MICALL2: variants seen among roughly 807,000 people sequenced by gnomAD.
MICALL2 encodes the protein MICAL like 2, also known as MICAL-like protein 2.
In MICALL2, 111 loss-of-function variants were observed where a neutral mutation model predicts 91.1. That is an observed-to-expected ratio of 1.22 (90% CI 1.04 to 1.43). MICALL2 has a LOEUF of 1.43. MICALL2 is among the 40% of genes most tolerant of loss of function. MICALL2 has a pLI of 0.00. For missense variants in MICALL2, 1,556 were observed against 1,236.0 expected (o/e 1.26, Z -3.88); for synonymous variants, 694 against 525.3 (o/e 1.32, Z -4.39).
At position 1,445,054 on chromosome 7, in the gene MICALL2, C is replaced by T. The variant is rs200412394; in HGVS notation, c.1016G>A (p.Arg339His). 1,185 of 1,545,606 alleles carry T rather than the reference C, an allele frequency of 7.7e-4. No homozygotes were observed. Among genetic ancestry groups the T allele is most frequent in the Middle Eastern group, 3.4e-3 (20 of 5,948 alleles). Reference protein sequence around the residue: ...PTPTEGKVRPRVTNSSPMGWS... With the variant: ...PTPTEGKVRPHVTNSSPMGWS... ...GCCCATCGGGGAGCTATTGGTCACA[C>T]GAGGGCGGACTTTCCCCTCCGTGGG... is the stretch of plus-strand genomic sequence containing the variant. Residue 339 changes from arginine to histidine, a missense_variant, in exon 6 of 17, where the codon CGT becomes CAT. By Grantham distance (29) the Arg-to-His change is conservative. Transcript: ENST00000297508.
At chr7:1,443,857 G>A (rs553458247) in intron 6 of MICALL2, among the ~76,000 whole-genome samples, 16 of 152,322 alleles carry the variant, frequency 1.1e-4, no homozygotes, top group Admixed American at 7.8e-4. Flanking sequence ...CGCCCAGTGA[G>A]GGGGTCTTTG....
chr7:1,450,048 G>C (rs186620500), intron 2 of MICALL2, among the ~76,000 whole-genome samples, 192 bp downstream of exon 2: 1 of 152,216 alleles, frequency 6.6e-6, no homozygotes, highest in Non-Finnish European at 1.5e-5. Context: ...GCCAAGATAA[G>C]AGGCTATTTC....
At chr7:1,448,534 A>C in intron 3 of MICALL2, 86 bp downstream of exon 3, 1 of 1,377,074 alleles carries the variant, frequency 7.3e-7, no homozygotes. Flanking sequence ...CTGGGCATGG[A>C]CCCCAAAAAG....
At chr7:1,457,163 G>A (rs1386810272) in intron 1 of MICALL2, among the ~76,000 whole-genome samples, 2 of 152,126 alleles carry the variant, frequency 1.3e-5, no homozygotes, top group Admixed American at 6.5e-5. Context: ...CCTTCTGCAC[G>A]TGGGCACCTA....
rs10266642 is a variant in MICALL2 at position 1,437,477 on chromosome 7, T to C, written c.2476+58A>G. 0.19 allele frequency: 270,540 copies of C among 1,446,268 alleles called. 30,050 individuals carry two copies. Among genetic ancestry groups the C allele is most frequent in the African/African-American group, 0.51 (35,068 of 68,172 alleles). The allele number at this position is 1,446,268 out of a possible 1,614,324, so 89.6% of individuals were successfully genotyped here. A position where few individuals can be genotyped will look rare whatever the true frequency, so the allele number is the denominator to read the frequency against. ...GCCTCACAGAGCCGGCCCCCAGACA[T>C]CCTGGGCTCCGCGGCATCCCTGGCT... On this transcript the variant is annotated intron_variant, in intron 14 of 16. Transcript: ENST00000297508.
intron 14 of MICALL2, 156 bp downstream of exon 14, chr7:1,437,379 G>GTACCTT: frequency 1.9e-5 from 11 of 573,892 alleles, no homozygotes; most frequent in Non-Finnish European, 2.4e-5. Flanking sequence ...ACAGCCAGGA[G>GTACCTT]GTGGGAGATT....
Position 1,459,429 on chromosome 7 carries a change from A to G in MICALL2, c.-103T>C, listed in dbSNP as rs913658092. ...GGGACAGACGCTGGGACCGCTACGG[A>G]ACCGCCAGACCCACGGCGCCCAGCC... is the stretch of plus-strand genomic sequence containing the variant. On this transcript the variant is annotated 5_prime_UTR_variant, in exon 1 of 17. Coordinates refer to ENST00000297508, the MANE Select transcript of MICALL2 (RefSeq NM_182924.4). 73 of 1,154,204 alleles carry G rather than the reference A, an allele frequency of 6.3e-5. No individual in the cohort carries two copies. In the African/African-American group the frequency reaches 1.1e-3, roughly 17 times the overall value. The allele number at this position is 1,154,204 out of a possible 1,614,324, so 71.5% of individuals were successfully genotyped here.
chr7:1,438,409 C>T (rs980230874), intron 10 of MICALL2, 56 bp from the exon 11 acceptor site: 10 of 1,557,136 alleles, frequency 6.4e-6, no homozygotes, highest in Non-Finnish European at 8.7e-6. Context: ...CCAACGTGAC[C>T]AGGACACAGC....
chr7:1,437,355 T>C, intron 14 of MICALL2, 180 bp downstream of exon 14: 1 of 604,626 alleles, frequency 1.7e-6, no homozygotes. Context: ...GTTAAGTACC[T>C]TGGCTGAGGA....
At position 1,442,283 on chromosome 7, in the gene MICALL2, C is replaced by A. The variant is rs4236408; in HGVS notation, c.1620G>T (p.Ala540=). Residue 540 remains alanine (A), a synonymous_variant, in exon 7 of 17, where the codon GCG becomes GCT. Transcript: ENST00000297508. ...ALPPAGRRNL[A]ESSGVGRVGA... is the part of the protein sequence containing the mutation. ...CCACCCTGCCGACCCCTGAGGATTC[C>A]GCCAAGTTCCTCCTGCCTGCCGGGG... The A allele has an allele frequency of 0.98, 1,587,248 of 1,613,010 alleles. 781,034 individuals are homozygous for A. Among genetic ancestry groups the A allele is most frequent in the East Asian group, 1 (44,876 of 44,876 alleles).
In MICALL2 at chr7:1,454,624, A is replaced by G. The variant is rs536156311; in HGVS notation, c.144-4336T>C. Reference sequence around the variant, plus strand: ...TGGAGGGTTCCGGCCAGAGGCGGCCACAGAGGTCTGGCTACAGGCCCTGGG... The same window carrying G: ...TGGAGGGTTCCGGCCAGAGGCGGCCGCAGAGGTCTGGCTACAGGCCCTGGG... On this transcript the variant is annotated intron_variant, in intron 1 of 16. Coordinates refer to ENST00000297508, the MANE Select transcript of MICALL2 (RefSeq NM_182924.4). Among the ~76,000 whole-genome samples the G allele has an allele frequency of 1.1e-3, 165 of 152,308 alleles. 4 individuals are homozygous for G. The South Asian group carries it at 0.025, about 23-fold the overall frequency.
intron 3 of MICALL2, among the ~76,000 whole-genome samples, chr7:1,448,338 T>TG (rs1780686123): frequency 6.6e-6 from 1 of 152,194 alleles, no homozygotes; most frequent in African/African-American, 2.4e-5. Context: ...CCTGGCACCT[T>TG]GGGGAAGCAG....
chr7:1,448,835 G>T lies in MICALL2; in HGVS notation c.193-74C>A. ...TCTCCACCAGGCCGCAGCTCACCTC[G>T]ACTCAAAGACACAGTCTTGGAGCCC... is the stretch of plus-strand genomic sequence containing the variant. On this transcript the variant is annotated intron_variant, in intron 2 of 16. Coordinates refer to ENST00000297508, the MANE Select transcript of MICALL2 (RefSeq NM_182924.4). 5 of 1,559,424 alleles carry T rather than the reference G, an allele frequency of 3.2e-6. No individual in the cohort carries two copies. In the South Asian group the frequency reaches 5.7e-5, roughly 18 times the overall value.
chr7:1,441,907 G>C, intron 7 of MICALL2: 1 of 491,462 alleles, frequency 2.0e-6, no homozygotes, highest in Non-Finnish European at 3.6e-6. Flanking sequence ...AGACCGAGCT[G>C]AGCGGGACGC....
intron 1 of MICALL2, among the ~76,000 whole-genome samples, chr7:1,454,583 C>A (rs949585050): frequency 1.3e-5 from 2 of 152,170 alleles, no homozygotes; most frequent in East Asian, 3.9e-4. Context: ...CAGGCAGCCC[C>A]CTCCCGCGCC....
chr7:1,435,349 C>T (rs1431743847), intron 15 of MICALL2, among the ~76,000 whole-genome samples: 4 of 152,250 alleles, frequency 2.6e-5, no homozygotes, highest in Non-Finnish European at 5.9e-5. Flanking sequence ...GAGCCAGCCC[C>T]TCAACAGTGA....
intron 16 of MICALL2, chr7:1,434,890 C>T: frequency 1.4e-6 from 1 of 707,244 alleles, no homozygotes; most frequent in Non-Finnish European, 2.3e-6. Context: ...CGGTCACCAG[C>T]TGCCCCTGGC....
At chr7:1,457,154 C>T (rs1781046513) in intron 1 of MICALL2, among the ~76,000 whole-genome samples, 1 of 152,178 alleles carries the variant, frequency 6.6e-6, no homozygotes, top group South Asian at 2.1e-4. Context: ...CTCCTCTGTC[C>T]TTCTGCACGT....
At chr7:1,446,672 G>T in intron 5 of MICALL2, 41 bp downstream of exon 5, 1 of 1,442,162 alleles carries the variant, frequency 6.9e-7, no homozygotes. Context: ...TTCTGGGAGG[G>T]GAGGTGCACA....
Sources: gnomAD v4.1 joint callset for allele counts (sites outside exome capture counted in the v4.1 genomes callset) on GRCh38, gnomAD v4.1.1 for gene constraint, MANE v1.5 for transcripts, NCBI Gene and HGNC (gene_info 2026-07-23, HGNC 2026-07-21) for gene names.